The following PRKG1 variants were observed in gnomAD, a reference collection of about 807,000 sequenced individuals.
The protein encoded by PRKG1 is cGMP-dependent protein kinase 1.
PRKG1 carries 35 observed loss-of-function variants against 88.1 expected under a neutral mutation model. That is an observed-to-expected ratio of 0.40 (90% CI 0.30 to 0.53). PRKG1 has a LOEUF of 0.53. Among genes scored for constraint, PRKG1 ranks in the 20% least tolerant of loss-of-function variants. The pLI is 0.59. For synonymous variants in PRKG1, 303 were observed against 292.5 expected (o/e 1.04, Z -0.37); for missense variants, 540 against 839.8 (o/e 0.64, Z 4.41).
chr10:51,699,367 G>A (rs778638372), intron 3 of PRKG1: 2 of 1,614,004 alleles, frequency 1.2e-6, no homozygotes, highest in Non-Finnish European at 1.7e-6. Context: ...GGTATTCGCA[G>A]AAGCCATAGC....
chr10:52,239,521 T>TAAAAGAA (rs1840794580), intron 9 of PRKG1, among the ~76,000 whole-genome samples: 1 of 56,738 alleles, frequency 1.8e-5, no homozygotes, highest in Non-Finnish European at 2.9e-5. Flanking sequence ...TTCTACAGTG[T>TAAAAGAA]AAAAAAAAAA....
intron 2 of PRKG1, chr10:51,245,136 C>T (rs1839256464): frequency 6.6e-6 from 1 of 152,072 alleles, no homozygotes; most frequent in Non-Finnish European, 1.5e-5. Flanking sequence ...TTTTGCTCTC[C>T]TATTGAAAAG....
intron 2 of PRKG1, among the ~76,000 whole-genome samples, chr10:51,392,792 C>G (rs1230092806): frequency 6.9e-6 from 1 of 145,166 alleles, no homozygotes; most frequent in African/African-American, 2.5e-5. Context: ...CCGGACGGGG[C>G]GGCTGGCCGG....
chr10:51,862,784 G>A (rs1204785382), intron 4 of PRKG1, among the ~76,000 whole-genome samples: 2 of 152,108 alleles, frequency 1.3e-5, no homozygotes, highest in Admixed American at 1.3e-4. Context: ...TCCTGCCACT[G>A]TCAATCTTCA....
chr10:52,066,574 G>A (rs2133277079), intron 7 of PRKG1, among the ~76,000 whole-genome samples: 1 of 152,254 alleles, frequency 6.6e-6, no homozygotes, highest in South Asian at 2.1e-4. Context: ...GGGGTTATGA[G>A]CTCGCTTGAC....
intron 2 of PRKG1, among the ~76,000 whole-genome samples, chr10:51,224,369 C>G (rs1157287614): frequency 1.3e-5 from 2 of 152,220 alleles, no homozygotes; most frequent in Non-Finnish European, 2.9e-5. Context: ...CTAACGATCT[C>G]TTCAGCCTTG....
intron 2 of PRKG1, among the ~76,000 whole-genome samples, chr10:51,256,286 G>C (rs1034518954): frequency 1.3e-5 from 2 of 152,024 alleles, no homozygotes; most frequent in African/African-American, 4.8e-5. Context: ...AATATTATGA[G>C]ATAAAGCCCA....
chr10:51,946,219 A>G (rs1843029872), intron 5 of PRKG1, among the ~76,000 whole-genome samples: 1 of 151,950 alleles, frequency 6.6e-6, no homozygotes, highest in Admixed American at 6.5e-5. Context: ...TTGATCTTCC[A>G]TCACTGATAC....
At chr10:51,371,651 A>G (rs1842708987) in intron 2 of PRKG1, among the ~76,000 whole-genome samples, 2 of 152,068 alleles carry the variant, frequency 1.3e-5, no homozygotes, top group South Asian at 4.2e-4. Context: ...CATGCTGTTA[A>G]ATGGTCAGTA....
chr10:51,415,258 A>G (rs901876897), intron 2 of PRKG1, among the ~76,000 whole-genome samples: 6 of 152,230 alleles, frequency 3.9e-5, no homozygotes, highest in African/African-American at 9.6e-5. Flanking sequence ...TGTATTTCAT[A>G]TAATCTAACC....
At chr10:51,513,182 C>G (rs1841471276) in intron 3 of PRKG1, among the ~76,000 whole-genome samples, 1 of 148,924 alleles carries the variant, frequency 6.7e-6, no homozygotes, top group African/African-American at 2.5e-5. Context: ...CAAAAAAAGG[C>G]AGGGGTTGCA....
At chr10:51,371,529 A>G (rs2132609250) in intron 2 of PRKG1, among the ~76,000 whole-genome samples, 1 of 152,288 alleles carries the variant, frequency 6.6e-6, no homozygotes, top group Non-Finnish European at 1.5e-5. Flanking sequence ...GTAGTGCTGT[A>G]GTTATACACC....
intron 3 of PRKG1, among the ~76,000 whole-genome samples, chr10:51,507,036 C>A (rs967311935): frequency 6.6e-6 from 1 of 151,678 alleles, no homozygotes; most frequent in Non-Finnish European, 1.5e-5. Context: ...TCATTCTCAG[C>A]AAACTAGTGC....
intron 2 of PRKG1, among the ~76,000 whole-genome samples, chr10:51,421,644 C>G (rs1838419600): frequency 6.6e-6 from 1 of 152,174 alleles, no homozygotes; most frequent in South Asian, 2.1e-4. Flanking sequence ...ATGTCTGTCT[C>G]CTGCACACTT....
chr10:52,131,784 C>T (rs1417417871), intron 7 of PRKG1, among the ~76,000 whole-genome samples: 1 of 128,748 alleles, frequency 7.8e-6, no homozygotes, highest in Non-Finnish European at 1.6e-5. Flanking sequence ...TGCTACTGCA[C>T]TCCAGCGTGG....
chr10:52,156,721 A>G (rs1838115310), intron 8 of PRKG1, among the ~76,000 whole-genome samples: 1 of 151,926 alleles, frequency 6.6e-6, no homozygotes, highest in Admixed American at 6.6e-5. Context: ...TTGAAGCCAC[A>G]AAGTAAATCA....
At chr10:52,174,791 G>C (rs1050110015) in intron 9 of PRKG1, among the ~76,000 whole-genome samples, 9 of 151,888 alleles carry the variant, frequency 5.9e-5, no homozygotes, top group Non-Finnish European at 8.8e-5. Flanking sequence ...TTCAAAAATA[G>C]TATGACCAAA....
intron 3 of PRKG1, among the ~76,000 whole-genome samples, chr10:51,478,483 T>C (rs1256400296): frequency 6.6e-6 from 1 of 152,070 alleles, no homozygotes; most frequent in Non-Finnish European, 1.5e-5. Flanking sequence ...CTTGACCAGA[T>C]AGATAAAATT....
chr10:51,552,674 T>C (rs1324836377), intron 3 of PRKG1, among the ~76,000 whole-genome samples: 2 of 151,666 alleles, frequency 1.3e-5, no homozygotes, highest in Middle Eastern at 3.2e-3. Context: ...AAATGACAAT[T>C]TTCATTCAAT....
Sources: allele counts gnomAD v4.1 joint callset (sites outside exome capture counted in the v4.1 genomes callset), GRCh38; gene constraint gnomAD v4.1.1; transcripts MANE v1.5; gene names NCBI Gene and HGNC (gene_info 2026-07-23, HGNC 2026-07-21).